ATXN2: variants seen among roughly 807,000 people sequenced by gnomAD.
The protein encoded by ATXN2 is ataxin 2, also known as ataxin-2.
A neutral mutation model predicts 138.6 loss-of-function variants in ATXN2; 37 were observed. The observed-to-expected ratio is 0.27, with a 90% CI of 0.21 to 0.35. The LOEUF (loss-of-function observed/expected upper bound fraction) is 0.35. Among genes scored for constraint, ATXN2 ranks in the 10% least tolerant of loss-of-function variants. The pLI, the probability that ATXN2 is intolerant of heterozygous loss-of-function variation, is 1.00. For synonymous variants in ATXN2, 549 were observed against 543.7 expected (o/e 1.01, Z -0.13); for missense variants, 1,216 against 1,480.3 (o/e 0.82, Z 2.93).
chr12:111,500,775 A>C lies in ATXN2; in HGVS notation c.1935+8774T>G, dbSNP rs138023485. The stretch of plus-strand genomic sequence containing the variant: ...GTAGTTCCAGCTAGTCAGGAGGCTG[A>C]GGCAGGAGAATCACTTGAACCCTGG... On this transcript the variant is annotated intron_variant, in intron 14 of 24. Transcript: ENST00000673436. Among the ~76,000 whole-genome samples, 894 of 152,330 alleles carry C rather than the reference A, an allele frequency of 5.9e-3. 10 individuals carry two copies. The highest frequency in any genetic ancestry group is 0.02 in the African/African-American group (827 of 41,572).
At chr12:111,545,551 G>T (rs1458861709) in intron 5 of ATXN2, among the ~76,000 whole-genome samples, 1 of 151,628 alleles carries the variant, frequency 6.6e-6, no homozygotes, top group Non-Finnish European at 1.5e-5. Flanking sequence ...GTGACAGACC[G>T]AGACTCCATC....
In ATXN2 at chr12:111,552,508, T is replaced by G; in HGVS notation, c.421-78A>C. On this transcript the variant is annotated intron_variant, in intron 4 of 24. Transcript: ENST00000673436. The surrounding 1 kb of genome is among the most constrained non-coding windows in gnomAD (Gnocchi z 4.1). ...TTAGGAATTCTTTAGCTCATCAAGG[T>G]ACCAGTTCTTATATGCCTTTGACAA... The G allele has an allele frequency of 6.9e-7, 1 of 1,450,732 alleles. No homozygotes were observed. The highest frequency in any genetic ancestry group is 9.2e-7 in the Non-Finnish European group (1 of 1,082,968). 89.9% of individuals were successfully genotyped at this position (1,450,732 alleles called of 1,614,324 possible).
At chr12:111,563,940 A>T (rs2135802216) in intron 1 of ATXN2, among the ~76,000 whole-genome samples, 1 of 152,318 alleles carries the variant, frequency 6.6e-6, no homozygotes, top group Non-Finnish European at 1.5e-5. Context: ...TGTATCTGTC[A>T]TATACCCACT....
At chr12:111,555,836 G>T in intron 2 of ATXN2, 47 bp downstream of exon 2, 1 of 1,507,364 alleles carries the variant, frequency 6.6e-7, no homozygotes, top group Non-Finnish European at 9.0e-7. Flanking sequence ...TAGAGATCAT[G>T]TTTTAGCTAC....
In ATXN2 at chr12:111,534,225, T is replaced by A. The variant is rs142515731; in HGVS notation, c.572-8909A>T. Among the ~76,000 whole-genome samples the A allele has an allele frequency of 4.6e-4, 70 of 151,848 alleles. No individual in the cohort carries two copies. In the East Asian group the frequency reaches 0.012, roughly 26 times the overall value. On this transcript the variant is annotated intron_variant, in intron 5 of 24. Coordinates refer to ENST00000673436, the MANE Select transcript of ATXN2 (RefSeq NM_001372574.1). ...AACCAACCTGGGCAACACGGCAAAA[T>A]CCTGTCTCTACCAAAAATATAAAAA...
intron 14 of ATXN2, 61 bp downstream of exon 14, chr12:111,509,488 A>T: frequency 1.1e-6 from 1 of 951,126 alleles, no homozygotes; most frequent in Non-Finnish European, 1.6e-6. Flanking sequence ...TTATAAATAG[A>T]TAAATCTTTA....
At chr12:111,513,575 T>C in intron 10 of ATXN2, 36 bp from the exon 11 acceptor site, 1 of 1,585,470 alleles carries the variant, frequency 6.3e-7, no homozygotes, top group Non-Finnish European at 8.6e-7. Context: ...ATAAATTCCA[T>C]GATATTCATC....
chr12:111,576,221 A>C (rs1592919676), intron 1 of ATXN2, among the ~76,000 whole-genome samples: 1 of 152,104 alleles, frequency 6.6e-6, no homozygotes. Flanking sequence ...AGGTAGGCGG[A>C]TCACTTGAGA....
rs187613191 is a variant in ATXN2 at position 111,459,473 on chromosome 12, C to T, written c.2897-2114G>A. On this transcript the variant is annotated intron_variant, in intron 21 of 24. Transcript: ENST00000673436. ...TTGTTTAATTTTTGACAGAGTCTCG[C>T]TCTGTTGCCCAGGCTGGAGTGCAGG... is the stretch of plus-strand genomic sequence containing the variant. Among the ~76,000 whole-genome samples, 753 of 152,336 alleles carry T rather than the reference C, an allele frequency of 4.9e-3. 11 individuals are homozygous for T. The highest frequency in any genetic ancestry group is 0.017 in the African/African-American group (718 of 41,572).
chr12:111,584,660 T>A (rs988600323), intron 1 of ATXN2, among the ~76,000 whole-genome samples: 2 of 151,856 alleles, frequency 1.3e-5, no homozygotes, highest in Non-Finnish European at 2.9e-5. Context: ...TGAAACCCCA[T>A]CTCTACTAAA....
intron 5 of ATXN2, among the ~76,000 whole-genome samples, chr12:111,540,124 T>C (rs1881417173): frequency 6.7e-6 from 1 of 149,600 alleles, no homozygotes; most frequent in African/African-American, 2.5e-5. Flanking sequence ...CCCAGGAGTA[T>C]GAAATAGAAA....
chr12:111,453,521 T>G lies in ATXN2; in HGVS notation c.3439+156A>C. 1 of 1,386,376 alleles carries G rather than the reference T, an allele frequency of 7.2e-7. No homozygotes were observed. Among genetic ancestry groups the G allele is most frequent in the Non-Finnish European group, 9.3e-7 (1 of 1,073,288 alleles). 85.9% of individuals were successfully genotyped at this position (1,386,376 alleles called of 1,614,324 possible). A position where few individuals can be genotyped will look rare whatever the true frequency, so the allele number is the denominator to read the frequency against. On this transcript the variant is annotated intron_variant, in intron 24 of 24. Transcript: ENST00000673436. The surrounding 1 kb of genome is among the most constrained non-coding windows in gnomAD (Gnocchi z 5.4). ...TCCCGGAAGCCTCAGGCCCTGATGCTGAACTGATCGTCACAGTCCCTCCTG... is the reference window on the plus strand; with the variant it reads ...TCCCGGAAGCCTCAGGCCCTGATGCGGAACTGATCGTCACAGTCCCTCCTG...
chr12:111,514,943 T>G (rs995927699), intron 10 of ATXN2, among the ~76,000 whole-genome samples: 1 of 152,246 alleles, frequency 6.6e-6, no homozygotes, highest in African/African-American at 2.4e-5. Context: ...CTTAATGTAA[T>G]AAAGATGTTC....
At chr12:111,483,073 G>A (rs1215098396) in intron 18 of ATXN2, among the ~76,000 whole-genome samples, 2 of 151,752 alleles carry the variant, frequency 1.3e-5, no homozygotes, top group Non-Finnish European at 1.5e-5. Flanking sequence ...TGTAGCCCCC[G>A]CTATCCAGGG....
chr12:111,579,240 T>A (rs1883849222), intron 1 of ATXN2, among the ~76,000 whole-genome samples: 2 of 152,172 alleles, frequency 1.3e-5, no homozygotes, highest in Admixed American at 1.3e-4. Context: ...ACAAAACCTG[T>A]ACATAAATAT....
At chr12:111,592,510 C>G (rs1242580458) in intron 1 of ATXN2, among the ~76,000 whole-genome samples, 1 of 149,974 alleles carries the variant, frequency 6.7e-6, no homozygotes, top group Non-Finnish European at 1.5e-5. Context: ...CGGCCAAGCA[C>G]GGTGGCTCAT....
At chr12:111,462,519 G>T (rs1339237177) in intron 21 of ATXN2, among the ~76,000 whole-genome samples, 2 of 152,150 alleles carry the variant, frequency 1.3e-5, no homozygotes, top group East Asian at 3.8e-4. Flanking sequence ...GGAAGTGAAG[G>T]AAAGTTGAAA....
At position 111,509,549 on chromosome 12, in the gene ATXN2, C is replaced by A; in HGVS notation, c.1935G>T (p.Arg645Ser). ...ATTCATCAGTTAGTACAATACTTAC[C>A]CTAAAATCATTCTTAAATTTCTTTA... ...DDLKKFKNDF[R>S]LQPSSTSESM... The change falls in exon 14 of 25, where the codon AGG becomes AGT. Residue 645 changes from arginine (R) to serine (S), a missense_variant and splice_region_variant. Physicochemically the swap from Arg to Ser is moderately radical, Grantham distance 110. Transcript: ENST00000673436. The A allele has an allele frequency of 7.0e-7, 1 of 1,425,498 alleles. No individual in the cohort carries two copies. 88.3% of individuals were successfully genotyped at this position (1,425,498 alleles called of 1,614,324 possible). A position where few individuals can be genotyped will look rare whatever the true frequency, so the allele number is the denominator to read the frequency against.
chr12:111,541,901 C>G (rs1004919486), intron 5 of ATXN2, among the ~76,000 whole-genome samples: 1 of 148,268 alleles, frequency 6.7e-6, no homozygotes, highest in Non-Finnish European at 1.5e-5. Flanking sequence ...CTCAGCTTCC[C>G]AAGTAGCTGG....
Sources: gnomAD v4.1 joint callset for allele counts (sites outside exome capture counted in the v4.1 genomes callset) on GRCh38, gnomAD v4.1.1 for gene constraint, Gnocchi (gnomAD v3.1) non-coding constraint, MANE v1.5 for transcripts, NCBI Gene and HGNC (gene_info 2026-07-23, HGNC 2026-07-21) for gene names.